The following RARS1 variants were observed in gnomAD, a reference collection of about 807,000 sequenced individuals.
The protein encoded by RARS1 is arginine--tRNA ligase, cytoplasmic.
In RARS1, 75 loss-of-function variants were observed where a neutral mutation model predicts 78.7. The observed-to-expected ratio is 0.95, with a 90% CI of 0.79 to 1.15. RARS1 has a LOEUF of 1.15. Ranked by LOEUF, RARS1 falls within the 50% of genes most tolerant of loss-of-function variation. The pLI is 0.00. For synonymous variants in RARS1, 273 were observed against 268.2 expected (o/e 1.02, Z -0.18); for missense variants, 787 against 787.5 (o/e 1.00, Z 0.01).
chr5:168,509,530 A>C (rs1758524451), intron 11 of RARS1, among the ~76,000 whole-genome samples: 1 of 151,184 alleles, frequency 6.6e-6, no homozygotes, highest in Non-Finnish European at 1.5e-5. Flanking sequence ...CAGTTTTCTC[A>C]AAATGCTTTT....
chr5:168,491,314 G>A (rs1247624787), intron 2 of RARS1, among the ~76,000 whole-genome samples: 1 of 152,160 alleles, frequency 6.6e-6, no homozygotes, highest in Non-Finnish European at 1.5e-5. Flanking sequence ...GAGCTGTCAT[G>A]CCACTGCACT....
At position 168,495,272 on chromosome 5, in the gene RARS1, T is replaced by C. The variant is rs181304830; in HGVS notation, c.580-43T>C. 6.8e-4 allele frequency: 1,091 copies of C among 1,597,430 alleles called. 31 individuals are homozygous for C. The East Asian group carries it at 0.018, about 26-fold the overall frequency. ...TTAAAAAAATCTTTCTCTCTTTATG[T>C]TTATGCCCCTCTTAACAGCCTTTCT... On this transcript the variant is annotated intron_variant, in intron 5 of 14. Transcript: ENST00000231572.
chr5:168,502,858 AAC>A (rs1210988025), intron 9 of RARS1, among the ~76,000 whole-genome samples: 1 of 152,038 alleles, frequency 6.6e-6, no homozygotes, highest in Non-Finnish European at 1.5e-5. Context: ...GATTTTTTTT[AAC>A]AGTTTTTTCA....
At chr5:168,513,321 C>CTCTT (rs1239673964) in intron 12 of RARS1, among the ~76,000 whole-genome samples, 1 of 150,862 alleles carries the variant, frequency 6.6e-6, no homozygotes, top group Admixed American at 6.6e-5. Flanking sequence ...CGTGCCCGGC[C>CTCTT]TCTTTCTTTC....
intron 2 of RARS1, among the ~76,000 whole-genome samples, chr5:168,491,658 G>T (rs244896): frequency 0.59 from 88,976 of 152,020 alleles, 26,561 homozygotes; most frequent in East Asian, 0.75. Context: ...TTTGACAAGT[G>T]ACTTATCTGT....
intron 3 of RARS1, among the ~76,000 whole-genome samples, chr5:168,493,382 A>G (rs1026761502): frequency 1.3e-5 from 2 of 152,132 alleles, no homozygotes; most frequent in Non-Finnish European, 2.9e-5. Context: ...CAGGTCTTAC[A>G]GTGTGGTTTA....
chr5:168,501,951 T>C, intron 8 of RARS1, 50 bp from the exon 9 acceptor site: 1 of 1,557,074 alleles, frequency 6.4e-7, no homozygotes, highest in Non-Finnish European at 8.6e-7. Context: ...TTCCTGTTTT[T>C]AAAAAATTCT....
Position 168,493,633 on chromosome 5 carries a change from C to CAA in RARS1, c.370-241_370-240dup, listed in dbSNP as rs35001933. ...TGGGCAACAGAGCGAGACTCCATCT[C>CAA]AAAAAAAAAAAAAAAAAAAAATAGT... On this transcript the variant is annotated intron_variant, in intron 3 of 14. Coordinates refer to ENST00000231572, the MANE Select transcript of RARS1 (RefSeq NM_002887.4). Among the ~76,000 whole-genome samples, 15,509 of 77,868 alleles carry CAA rather than the reference C, an allele frequency of 0.2. 1,432 individuals carry two copies. The highest frequency in any genetic ancestry group is 0.25 in the Middle Eastern group (38 of 154). 51.1% of individuals were successfully genotyped at this position (77,868 alleles called of 152,430 possible). A position where few individuals can be genotyped will look rare whatever the true frequency, so the allele number is the denominator to read the frequency against.
chr5:168,511,167 T>A (rs576988018), intron 12 of RARS1, among the ~76,000 whole-genome samples: 3 of 152,026 alleles, frequency 2.0e-5, no homozygotes, highest in Admixed American at 2.0e-4. Flanking sequence ...GTGTGGAATT[T>A]GGAGGAATTG....
chr5:168,504,535 GA>G lies in RARS1; in HGVS notation c.1058-1477del, dbSNP rs202134460. 7.4e-3 allele frequency among the ~76,000 whole-genome samples: 970 copies of G among 130,472 alleles called. 11 individuals carry two copies. The highest frequency in any genetic ancestry group is 0.026 in the African/African-American group (921 of 35,704). 85.6% of individuals were successfully genotyped at this position (130,472 alleles called of 152,430 possible). A position where few individuals can be genotyped will look rare whatever the true frequency, so the allele number is the denominator to read the frequency against. ...AGATTCTGTCTCAAAAAAAAAAAAAGAAAAAAAAATGCCAGGCCCGGTGGCT... is the reference window on the plus strand; with the variant it reads ...AGATTCTGTCTCAAAAAAAAAAAAAGAAAAAAAATGCCAGGCCCGGTGGCT... On this transcript the variant is annotated intron_variant, in intron 9 of 14. Transcript: ENST00000231572.
rs990558023 is a variant in RARS1, at chr5:168,508,777, TA to T, written c.1347-1803del. On this transcript the variant is annotated intron_variant, in intron 11 of 14. Coordinates refer to ENST00000231572, the MANE Select transcript of RARS1 (RefSeq NM_002887.4). Reference sequence around the variant, plus strand: ...TTTTTTAATTTCATCATCTTCCTGCTATTCCTTGTACATCTGTTTATTGAGG... The same window carrying T: ...TTTTTTAATTTCATCATCTTCCTGCTTTCCTTGTACATCTGTTTATTGAGG... Among the ~76,000 whole-genome samples the T allele has an allele frequency of 5.9e-5, 9 of 151,830 alleles. 1 individual carries two copies. The highest frequency in any genetic ancestry group is 4.6e-4 in the Admixed American group (7 of 15,252).
chr5:168,498,919 C>T (rs1758257427), intron 7 of RARS1, among the ~76,000 whole-genome samples: 2 of 152,036 alleles, frequency 1.3e-5, no homozygotes, highest in African/African-American at 2.4e-5. Flanking sequence ...CTGCAGTGAG[C>T]TGTGATCACA....
At chr5:168,517,742 C>CTGATTTACGT in intron 13 of RARS1, 73 bp from the exon 14 acceptor site, 2 of 1,542,918 alleles carry the variant, frequency 1.3e-6, no homozygotes, top group Admixed American at 2.1e-5. Flanking sequence ...GTGATAATTT[C>CTGATTTACGT]GAGTGGAGAA....
At chr5:168,487,008 A>G (rs575473591) in intron 1 of RARS1, among the ~76,000 whole-genome samples, 1 of 152,284 alleles carries the variant, frequency 6.6e-6, no homozygotes, top group Non-Finnish European at 1.5e-5. Context: ...ATTCATTATC[A>G]GACCAGCGGA....
intron 1 of RARS1, among the ~76,000 whole-genome samples, chr5:168,487,231 G>T (rs994044942): frequency 8.8e-5 from 4 of 45,222 alleles, no homozygotes; most frequent in Non-Finnish European, 1.4e-4. Flanking sequence ...GGCTGTGTTG[G>T]GGGGGGTCCC....
At chr5:168,505,498 C>G (rs1340925931) in intron 9 of RARS1, among the ~76,000 whole-genome samples, 2 of 152,136 alleles carry the variant, frequency 1.3e-5, no homozygotes, top group Non-Finnish European at 2.9e-5. Context: ...GCAGCTTTCT[C>G]CAAGAGGAAG....
rs983827256 is a variant in RARS1, at chr5:168,506,702, A to C, written c.1237-20A>C. ...TTTCTTTAAAGAAGACTAGCAAGTA[A>C]CTTTCCGTTTCTGTTGTAGTCTGTG... is the stretch of plus-strand genomic sequence containing the variant. On this transcript the variant is annotated intron_variant, in intron 10 of 14. Transcript: ENST00000231572. 6.4e-7 allele frequency: 1 copy of C among 1,564,774 alleles called. No individual in the cohort carries two copies. The highest frequency in any genetic ancestry group is 8.7e-7 in the Non-Finnish European group (1 of 1,144,410).
At position 168,506,836 on chromosome 5, in the gene RARS1, G is replaced by C. The variant is rs748043730; in HGVS notation, c.1346+5G>C. On this transcript the variant is annotated splice_donor_5th_base_variant and intron_variant, in intron 11 of 14. Transcript: ENST00000231572. ...TGTGGTGCTAGGGGAAGACAAGTAAGTCTGGAAAATCTGAAGATGGTAATG... is the reference window on the plus strand; with the variant it reads ...TGTGGTGCTAGGGGAAGACAAGTAACTCTGGAAAATCTGAAGATGGTAATG... 7.5e-6 allele frequency: 12 copies of C among 1,589,696 alleles called. No individual in the cohort carries two copies. The highest frequency in any genetic ancestry group is 1.0e-5 in the Non-Finnish European group (12 of 1,158,520).
At chr5:168,517,066 C>G (rs774042651) in intron 13 of RARS1, 116 bp downstream of exon 13, 47 of 1,087,620 alleles carry the variant, frequency 4.3e-5, no homozygotes, top group Non-Finnish European at 6.2e-5. Flanking sequence ...TCAAATGATC[C>G]TCCCACCTCA....
Sources: allele counts gnomAD v4.1 joint callset (sites outside exome capture counted in the v4.1 genomes callset), GRCh38; gene constraint gnomAD v4.1.1; transcripts MANE v1.5; gene names NCBI Gene and HGNC (gene_info 2026-07-23, HGNC 2026-07-21).